Variants in MACROD2 observed in about 807,000 individuals in gnomAD.
MACROD2 encodes the protein ADP-ribose glycohydrolase MACROD2.
A neutral mutation model predicts 70.4 loss-of-function variants in MACROD2; 36 were observed. The observed-to-expected ratio is 0.51, with a 90% CI of 0.39 to 0.68. The LOEUF (loss-of-function observed/expected upper bound fraction) is 0.68, where lower values mean the gene tolerates loss of function less well. MACROD2 is among the 30% of genes least tolerant of loss of function. MACROD2 has a pLI of 0.00. For synonymous variants in MACROD2, 172 were observed against 178.8 expected (o/e 0.96, Z 0.30); for missense variants, 496 against 538.4 (o/e 0.92, Z 0.78).
At chr20:14,755,023 T>G in intron 5 of MACROD2, among the ~76,000 whole-genome samples, 1 of 152,096 alleles carries the variant, frequency 6.6e-6, no homozygotes, top group East Asian at 1.9e-4. Flanking sequence ...TTGATTCACT[T>G]ATCAGCTGAA....
chr20:15,496,513 A>C (rs902321751), intron 7 of MACROD2, among the ~76,000 whole-genome samples: 1 of 152,224 alleles, frequency 6.6e-6, no homozygotes, highest in Non-Finnish European at 1.5e-5. Context: ...CCATGGTTCT[A>C]TGACAACTTG....
At chr20:14,027,534 A>ATC (rs1171096702) in intron 2 of MACROD2, among the ~76,000 whole-genome samples, 2 of 152,134 alleles carry the variant, frequency 1.3e-5, no homozygotes, top group Non-Finnish European at 2.9e-5. Flanking sequence ...TGGGAGGAGA[A>ATC]GAGGCATTCT....
intron 8 of MACROD2, among the ~76,000 whole-genome samples, chr20:15,529,981 G>A (rs1342098941): frequency 6.6e-6 from 1 of 152,118 alleles, no homozygotes; most frequent in Non-Finnish European, 1.5e-5. Flanking sequence ...TTTGAGTGAG[G>A]ACATGGGACA....
chr20:15,763,214 C>T (rs1344335137), intron 8 of MACROD2, among the ~76,000 whole-genome samples: 2 of 152,102 alleles, frequency 1.3e-5, no homozygotes, highest in Admixed American at 1.3e-4. Context: ...CATCTTGACC[C>T]CTGAAGGGCA....
chr20:15,141,299 T>A (rs909576257), intron 5 of MACROD2, among the ~76,000 whole-genome samples: 1 of 152,036 alleles, frequency 6.6e-6, no homozygotes, highest in African/African-American at 2.4e-5. Flanking sequence ...TACATATAGA[T>A]ATACACGTGT....
chr20:15,783,706 A>G (rs550867289), intron 8 of MACROD2, among the ~76,000 whole-genome samples: 3 of 152,204 alleles, frequency 2.0e-5, no homozygotes, highest in Non-Finnish European at 4.4e-5. Context: ...ATGAGGCTAT[A>G]TGGTCACTCA....
intron 5 of MACROD2, among the ~76,000 whole-genome samples, chr20:14,889,007 G>C (rs947030207): frequency 1.3e-4 from 20 of 152,086 alleles, no homozygotes; most frequent in African/African-American, 4.8e-4. Flanking sequence ...CTTTCTGTGT[G>C]ATCACTGCTG....
chr20:14,799,136 T>C (rs2072544653), intron 5 of MACROD2, among the ~76,000 whole-genome samples: 1 of 152,060 alleles, frequency 6.6e-6, no homozygotes, highest in Non-Finnish European at 1.5e-5. Flanking sequence ...TAAAAAAAGT[T>C]ATGAAATACA....
At chr20:15,258,170 CA>C (rs2077216446) in intron 6 of MACROD2, among the ~76,000 whole-genome samples, 1 of 151,920 alleles carries the variant, frequency 6.6e-6, no homozygotes, top group African/African-American at 2.4e-5. Context: ...AACGTTTAAA[CA>C]AATTTTGATT....
At chr20:15,311,375 G>A (rs971076664) in intron 6 of MACROD2, among the ~76,000 whole-genome samples, 1 of 152,152 alleles carries the variant, frequency 6.6e-6, no homozygotes, top group Non-Finnish European at 1.5e-5. Flanking sequence ...AGAATTGCAT[G>A]CTGGTATTCA....
At chr20:15,272,799 T>C (rs1320680965) in intron 6 of MACROD2, among the ~76,000 whole-genome samples, 1 of 152,170 alleles carries the variant, frequency 6.6e-6, no homozygotes, top group African/African-American at 2.4e-5. Context: ...TAAAACAATT[T>C]TATAATGCAT....
Position 16,050,054 on chromosome 20 carries a change from A to G in MACROD2, c.*178A>G. The G allele has an allele frequency of 1.8e-6, 1 of 549,194 alleles. No homozygotes were observed. Among genetic ancestry groups the G allele is most frequent in the South Asian group, 3.2e-5 (1 of 31,010 alleles). The allele number at this position is 549,194 out of a possible 1,614,324, so 34.0% of individuals were successfully genotyped here. A position where few individuals can be genotyped will look rare whatever the true frequency, so the allele number is the denominator to read the frequency against. On this transcript the variant is annotated 3_prime_UTR_variant, in exon 18 of 18. Coordinates refer to ENST00000684519, the MANE Select transcript of MACROD2 (RefSeq NM_001351661.2). ...CGTTTATCTGCAGAAAAAGAAAGAA[A>G]AAAAAGAAAAAAAAAGTTTCCTTTA...
intron 5 of MACROD2, among the ~76,000 whole-genome samples, chr20:14,875,794 T>C (rs1003820914): frequency 1.2e-4 from 18 of 152,170 alleles, no homozygotes; most frequent in African/African-American, 4.1e-4. Flanking sequence ...GTTGCATCCA[T>C]GTTGCTAAAA....
chr20:14,758,021 G>C, intron 5 of MACROD2: 1 of 729,144 alleles, frequency 1.4e-6, no homozygotes, highest in Non-Finnish European at 2.5e-6. Context: ...GTTTAGAGGC[G>C]AATTTGGTCA....
chr20:15,526,360 A>G (rs756294532), intron 8 of MACROD2, among the ~76,000 whole-genome samples: 2 of 152,236 alleles, frequency 1.3e-5, no homozygotes, highest in Non-Finnish European at 2.9e-5. Flanking sequence ...TAGTTCAGGT[A>G]TAACATAAAT....
intron 7 of MACROD2, among the ~76,000 whole-genome samples, chr20:15,465,763 C>T (rs971439370): frequency 1.6e-4 from 24 of 152,202 alleles, no homozygotes; most frequent in African/African-American, 5.8e-4. Context: ...GCATGAAGAT[C>T]TAACCTCCAT....
chr20:15,662,066 T>C lies in MACROD2; in HGVS notation c.645+162219T>C, dbSNP rs182360348. Among the ~76,000 whole-genome samples the C allele has an allele frequency of 3.5e-3, 538 of 152,308 alleles. 2 individuals are homozygous for C. Among genetic ancestry groups the C allele is most frequent in the Admixed American group, 5.2e-3 (80 of 15,302 alleles). ...TTCCCACTCTTTACCCACGCTGAAG[T>C]TGGATGTCTCCCTGAAACCAATAGA... On this transcript the variant is annotated intron_variant, in intron 8 of 17. Transcript: ENST00000684519.
chr20:15,126,334 C>T (rs1320262627), intron 5 of MACROD2, among the ~76,000 whole-genome samples: 6 of 151,772 alleles, frequency 4.0e-5, no homozygotes, highest in Non-Finnish European at 5.9e-5. Context: ...CCAATTTGCC[C>T]GCATGGTTGC....
intron 4 of MACROD2, among the ~76,000 whole-genome samples, chr20:14,574,414 T>C (rs1980433062): frequency 6.6e-6 from 1 of 152,166 alleles, no homozygotes; most frequent in African/African-American, 2.4e-5. Flanking sequence ...TAATATATGC[T>C]AAGGTCTGTA....
Sources: allele counts gnomAD v4.1 joint callset (sites outside exome capture counted in the v4.1 genomes callset), GRCh38; gene constraint gnomAD v4.1.1; transcripts MANE v1.5; gene names NCBI Gene and HGNC (gene_info 2026-07-23, HGNC 2026-07-21).